Variants in ABCC6 observed in about 807,000 individuals in gnomAD.
ABCC6 encodes the protein ATP-binding cassette sub-family C member 6.
A neutral mutation model predicts 169.5 loss-of-function variants in ABCC6; 126 were observed. The observed-to-expected ratio is 0.74, with a 90% confidence interval of 0.64 to 0.86. The LOEUF (loss-of-function observed/expected upper bound fraction) is 0.86. Ranked by LOEUF, ABCC6 falls within the 40% of genes least tolerant of loss-of-function variation. The probability of loss-of-function intolerance (pLI) is 0.00; values close to 1 mark genes in which losing one functional copy is unlikely to be tolerated. For synonymous variants in ABCC6, 752 were observed against 814.7 expected, an observed-to-expected ratio of 0.92 and a Z score of 1.31; for missense variants, 1,733 against 1,927.2, an observed-to-expected ratio of 0.90 and a Z score of 1.89.
chr16:16,169,623 TGAG>T lies in ABCC6; in HGVS notation c.2995+20_2995+22del, dbSNP rs774062066. 29 of 1,608,402 alleles carry T rather than the reference TGAG, an allele frequency of 1.8e-5. No individual in the cohort carries two copies. Among genetic ancestry groups the T allele is most frequent in the Non-Finnish European group, 2.4e-5 (28 of 1,178,962 alleles). Reference sequence around the variant, plus strand: ...CTTGGTGCAGCTGGGAGGAGAGGGATGAGGAGGGCAGGTGAGGCGTACCTTGGA... The same window carrying T: ...CTTGGTGCAGCTGGGAGGAGAGGGATGAGGGCAGGTGAGGCGTACCTTGGA... On this transcript the variant is annotated intron_variant, in intron 22 of 30. Coordinates refer to ENST00000205557, the MANE Select transcript of ABCC6 (RefSeq NM_001171.6).
chr16:16,173,161 T>C, intron 21 of ABCC6, 123 bp downstream of exon 21: 1 of 1,312,118 alleles, frequency 7.6e-7, no homozygotes, highest in Non-Finnish European at 1.1e-6. Flanking sequence ...AGAATGCTAC[T>C]GGCACATAGT....
rs58668703 is a variant in ABCC6 at position 16,150,727 on chromosome 16, C to T, written c.4254G>A (p.Arg1418=). ...CGTCCAGGATGAGGATCTGGGTCTT[C>T]CGGAGAAGGGCACGTGCCAGACACA... is the stretch of plus-strand genomic sequence containing the variant. ...QLLCLARALL[R]KTQILILDEA... The change falls in exon 30 of 31, where the codon CGG becomes CGA. Residue 1418 remains arginine (R), a synonymous_variant. Transcript: ENST00000205557. 16,171 of 1,613,896 alleles carry T rather than the reference C, an allele frequency of 0.01. 110 individuals are homozygous for T. The highest frequency in any genetic ancestry group is 0.012 in the Non-Finnish European group (14,413 of 1,179,942).
chr16:16,222,532 C>T (rs2049108747), intron 1 of ABCC6, among the ~76,000 whole-genome samples: 1 of 152,032 alleles, frequency 6.6e-6, no homozygotes, highest in African/African-American at 2.4e-5. Flanking sequence ...CATAAGCAGC[C>T]TCACCAGGCC....
intron 22 of ABCC6, among the ~76,000 whole-genome samples, chr16:16,166,902 A>AAAACAAAC (rs34925354): frequency 9.9e-5 from 15 of 150,882 alleles, no homozygotes; most frequent in Admixed American, 2.6e-4. Context: ...CGTCTCAGAA[A>AAAACAAAC]AAACAAACAA....
intron 20 of ABCC6, among the ~76,000 whole-genome samples, chr16:16,175,148 G>T (rs1000970416): frequency 6.6e-6 from 1 of 152,046 alleles, no homozygotes; most frequent in South Asian, 2.1e-4. Context: ...ATTCTTGTGC[G>T]CTGTGAAGGT....
At chr16:16,187,079 A>T (rs1331193307) in intron 14 of ABCC6, 45 bp downstream of exon 14, 1 of 1,519,946 alleles carries the variant, frequency 6.6e-7, no homozygotes, top group Non-Finnish European at 9.1e-7. Flanking sequence ...TGGCCCCCAC[A>T]TCCCCCATCC....
At chr16:16,168,818 C>T (rs2046964215) in intron 22 of ABCC6, among the ~76,000 whole-genome samples, 1 of 152,078 alleles carries the variant, frequency 6.6e-6, no homozygotes, top group African/African-American at 2.4e-5. Flanking sequence ...CGGGGGCTCA[C>T]ACCTGTAATC....
rs753771636 is a variant in ABCC6 at position 16,161,556 on chromosome 16, G to T, written c.3515C>A (p.Ala1172Glu). Reference protein sequence around the residue: ...FPRLVADRWLAANVELLGNGL... With the variant: ...FPRLVADRWLEANVELLGNGL... Reference sequence around the variant, plus strand: ...ATTCCCCAGGAGCTCCACATTGGCCGCAAGCCACCTGCAAAGGGAAGCGAC... The same window carrying T: ...ATTCCCCAGGAGCTCCACATTGGCCTCAAGCCACCTGCAAAGGGAAGCGAC... The change falls in exon 25 of 31, where the codon GCG becomes GAG. Residue 1172 changes from alanine (A) to glutamate (E), a missense_variant. By Grantham distance (107) the Ala-to-Glu change is moderately radical. Coordinates refer to ENST00000205557, the MANE Select transcript of ABCC6 (RefSeq NM_001171.6). The T allele has an allele frequency of 1.2e-6, 2 of 1,613,900 alleles. No individual in the cohort carries two copies. Among genetic ancestry groups the T allele is most frequent in the South Asian group, 1.1e-5 (1 of 91,080 alleles).
chr16:16,157,807 A>G lies in ABCC6; in HGVS notation c.3738T>C (p.Ala1246=), dbSNP rs749327665. 2 of 1,610,134 alleles carry G rather than the reference A, an allele frequency of 1.2e-6. No individual in the cohort carries two copies. Among genetic ancestry groups the G allele is most frequent in the South Asian group, 2.2e-5 (2 of 91,058 alleles). Residue 1246 remains alanine, a splice_region_variant and synonymous_variant, in exon 27 of 31, where the codon GCT becomes GCC. Transcript: ENST00000205557. The stretch of plus-strand genomic sequence containing the variant: ...CTGCACATGTGGGCAGCCTCCAGGG[A>G]GCCTGGAGCAGGAGGGGAAACTGAG... ...MQDYAWTPKE[A]PWRLPTCAAQ... is the part of the protein sequence containing the mutation.
intron 10 of ABCC6, among the ~76,000 whole-genome samples, chr16:16,196,950 C>G (rs566061635): frequency 8.2e-4 from 125 of 152,222 alleles, no homozygotes; most frequent in African/African-American, 2.8e-3. Flanking sequence ...ACCTCACCCC[C>G]CAAATTGCTG....
At chr16:16,213,958 A>G (rs902187418) in intron 5 of ABCC6, among the ~76,000 whole-genome samples, 1 of 147,744 alleles carries the variant, frequency 6.8e-6, no homozygotes, top group Non-Finnish European at 1.5e-5. Flanking sequence ...CTTGTTCACC[A>G]TAGATCCTTA....
At chr16:16,153,531 G>C (rs1322131092) in intron 29 of ABCC6, among the ~76,000 whole-genome samples, 3 of 152,096 alleles carry the variant, frequency 2.0e-5, no homozygotes, top group African/African-American at 7.2e-5. Flanking sequence ...GGCGCTGGGG[G>C]AGGGGACAAG....
chr16:16,172,152 A>G (rs75374935), intron 21 of ABCC6, among the ~76,000 whole-genome samples: 285 of 11,460 alleles, frequency 0.025, 3 homozygotes, highest in African/African-American at 0.032. Context: ...TAAATGAGTG[A>G]GTGGGATGGA....
In ABCC6 at chr16:16,178,816, A is replaced by C. The variant is rs770859081; in HGVS notation, c.2397T>G (p.Gly799=). 6.3e-5 allele frequency: 101 copies of C among 1,613,764 alleles called. No homozygotes were observed. The highest frequency in any genetic ancestry group is 8.5e-6 in the Non-Finnish European group (10 of 1,180,032). The change falls in exon 18 of 31, where the codon GGT becomes GGG. Residue 799 remains glycine, a synonymous_variant. Coordinates refer to ENST00000205557, the MANE Select transcript of ABCC6 (RefSeq NM_001171.6). ...QHVFNQVIGP[G]GLLQGTTRIL... ...AACTTACTGTTCCCTGGAGTAGTCC[A>C]CCAGGCCCAATGACCTGGTTGAAGA...
intron 20 of ABCC6, 107 bp downstream of exon 20, chr16:16,175,804 C>T: frequency 7.9e-7 from 1 of 1,266,970 alleles, no homozygotes; most frequent in Non-Finnish European, 1.1e-6. Flanking sequence ...GTTCTCTATC[C>T]ATAATGGTTT....
intron 14 of ABCC6, among the ~76,000 whole-genome samples, chr16:16,186,407 C>G (rs2047654664): frequency 6.6e-6 from 1 of 152,012 alleles, no homozygotes; most frequent in African/African-American, 2.4e-5. Context: ...CTCTTAGGAA[C>G]TGGGCCATAC....
Position 16,178,903 on chromosome 16 carries a change from C to T in ABCC6, c.2310G>A (p.Lys770=). The T allele has an allele frequency of 6.2e-7, 1 of 1,613,812 alleles. No individual in the cohort carries two copies. Among genetic ancestry groups the T allele is most frequent in the South Asian group, 1.1e-5 (1 of 91,080 alleles). Residue 770 remains lysine, a synonymous_variant, in exon 18 of 31, where the codon AAG becomes AAA. Transcript: ENST00000205557. Reference sequence around the variant, plus strand: ...GGTCATCCAGCAGGTACACAGCTGCCTTTCTGTATACAGCCCGGGCCAGGC... The same window carrying T: ...GGTCATCCAGCAGGTACACAGCTGCTTTTCTGTATACAGCCCGGGCCAGGC... The part of the protein sequence containing the change: ...RLSLARAVYR[K]AAVYLLDDPL...
chr16:16,185,124 C>T (rs8060117), intron 14 of ABCC6, 90 bp from the exon 15 acceptor site: 20 of 1,223,330 alleles, frequency 1.6e-5, no homozygotes, highest in East Asian at 9.4e-5. Flanking sequence ...CCCCGCCCCC[C>T]CCAGGGGCAG....
chr16:16,181,063 G>A (rs1202196275), intron 17 of ABCC6, among the ~76,000 whole-genome samples: 3 of 152,132 alleles, frequency 2.0e-5, no homozygotes, highest in Non-Finnish European at 4.4e-5. Flanking sequence ...CAGCACTTTG[G>A]GAGGCGGAGC....
Sources: allele counts gnomAD v4.1 joint callset (sites outside exome capture counted in the v4.1 genomes callset), GRCh38; gene constraint gnomAD v4.1.1; transcripts MANE v1.5; gene names NCBI Gene and HGNC (gene_info 2026-07-23, HGNC 2026-07-21).